The following RTN4 variants were observed in gnomAD, a reference collection of about 807,000 sequenced individuals.
RTN4 encodes reticulon-4.
Under a neutral mutation model 90.4 loss-of-function variants are expected in RTN4, and 32 were observed. The ratio of observed to expected loss-of-function variants is 0.35; its 90% CI spans 0.27 to 0.48. The LOEUF (loss-of-function observed/expected upper bound fraction) is 0.48, where lower values mean the gene tolerates loss of function less well. RTN4 is among the 20% of genes least tolerant of loss of function. RTN4 has a pLI of 0.99. For synonymous variants in RTN4, 629 were observed against 552.5 expected (o/e 1.14, Z -1.94); for missense variants, 1,706 against 1,430.2 (o/e 1.19, Z -3.11).
chr2:55,130,105 T>C, the RTN4 span, among the ~76,000 whole-genome samples: 1 of 152,180 alleles, frequency 6.6e-6, no homozygotes, highest in Non-Finnish European at 1.5e-5. Context: ...ACAACCTGAA[T>C]GTCCTCTAGT....
chr2:54,972,965 AGATGAT>A lies in RTN4; in HGVS notation c.*185_*190del, dbSNP rs1238994447. 8.1e-6 allele frequency: 4 copies of A among 493,544 alleles called. No individual in the cohort carries two copies. Among genetic ancestry groups the A allele is most frequent in the Non-Finnish European group, 1.5e-5 (4 of 273,436 alleles). 30.6% of individuals were successfully genotyped at this position (493,544 alleles called of 1,614,324 possible). On this transcript the variant is annotated 3_prime_UTR_variant, in exon 9 of 9. Coordinates refer to ENST00000337526, the MANE Select transcript of RTN4 (RefSeq NM_020532.5). ...CATACATAGCAGCTTACAATACTTA[AGATGAT>A]GAACACATGGCAGTCAAGACAGGTA...
At chr2:55,052,291 A>G (rs969312110), upstream of RTN4, among the ~76,000 whole-genome samples, 1 of 152,248 alleles carries the variant, frequency 6.6e-6, no homozygotes, top group African/African-American at 2.4e-5. Context: ...ATAATAATAG[A>G]GGAAACTGTG....
At chr2:54,994,096 T>G (rs893212658) in intron 3 of RTN4, among the ~76,000 whole-genome samples, 3 of 152,350 alleles carry the variant, frequency 2.0e-5, no homozygotes, top group African/African-American at 7.2e-5. Context: ...GATAAATGAT[T>G]CTCAATAGGA....
intron 3 of RTN4, among the ~76,000 whole-genome samples, chr2:55,003,868 TAA>T (rs1352915609): frequency 6.6e-6 from 1 of 152,124 alleles, no homozygotes. Context: ...CCATTTTATA[TAA>T]GAGACGTGGG....
chr2:55,025,612 A>T lies in RTN4; in HGVS notation c.2487T>A (p.Pro829=). Residue 829 remains proline, a synonymous_variant, in exon 3 of 9, where the codon CCT becomes CCA. Coordinates refer to ENST00000337526, the MANE Select transcript of RTN4 (RefSeq NM_020532.5). ...VSTLSKKEKI[P]LQMEELSTAV... ...CAGTACTGAGCTCCTCCATCTGCAA[A>T]GGAATTTTCTCCTTTTTGCTCAATG... The T allele has an allele frequency of 6.2e-7, 1 of 1,613,574 alleles. No individual in the cohort carries two copies. Among genetic ancestry groups the T allele is most frequent in the Non-Finnish European group, 8.5e-7 (1 of 1,179,778 alleles).
chr2:55,027,877 C>CT (rs1031562434), intron 2 of RTN4, among the ~76,000 whole-genome samples: 9 of 152,186 alleles, frequency 5.9e-5, no homozygotes, highest in African/African-American at 2.2e-4. Flanking sequence ...ACAGGAAAGC[C>CT]TTTCTGGCTA....
chr2:54,982,499 G>C lies in RTN4; in HGVS notation c.3360+16C>G, dbSNP rs749915740. On this transcript the variant is annotated intron_variant, in intron 5 of 8. Coordinates refer to ENST00000337526, the MANE Select transcript of RTN4 (RefSeq NM_020532.5). ...AATTCTGGGTATATCAAAAATGAAA[G>C]GCAAAATAAACTTACCTTCAGAGAA... The C allele has an allele frequency of 6.2e-7, 1 of 1,600,864 alleles. No homozygotes were observed. The highest frequency in any genetic ancestry group is 8.5e-7 in the Non-Finnish European group (1 of 1,175,734).
chr2:55,029,797 C>A (rs1682170635), intron 1 of RTN4, among the ~76,000 whole-genome samples: 1 of 152,024 alleles, frequency 6.6e-6, no homozygotes, highest in African/African-American at 2.4e-5. Context: ...GATGGGCTAT[C>A]CAGTCAAAGG....
chr2:55,135,863 G>A, the RTN4 span, among the ~76,000 whole-genome samples: 1 of 152,112 alleles, frequency 6.6e-6, no homozygotes, highest in African/African-American at 2.4e-5. Flanking sequence ...TTATTGTGAG[G>A]TTCATTCATG....
intron 1 of RTN4, among the ~76,000 whole-genome samples, chr2:55,101,181 G>A (rs1279024875): frequency 6.6e-6 from 1 of 151,940 alleles, no homozygotes; most frequent in African/African-American, 2.4e-5. Context: ...AAAAAAATCT[G>A]AACAAACAAG....
intron 3 of RTN4, among the ~76,000 whole-genome samples, chr2:54,989,481 C>T (rs908600401): frequency 1.3e-5 from 2 of 152,084 alleles, no homozygotes; most frequent in African/African-American, 2.4e-5. Context: ...TTGAAATGGC[C>T]TATCTATAGG....
upstream of RTN4, among the ~76,000 whole-genome samples, chr2:55,053,570 C>T (rs1314431489): frequency 6.6e-6 from 1 of 151,766 alleles, no homozygotes; most frequent in Admixed American, 6.6e-5. Flanking sequence ...CCTGTAACCC[C>T]AGCTACTTGG....
At chr2:54,974,180 C>T (rs904083728) in intron 6 of RTN4, 2 of 297,036 alleles carry the variant, frequency 6.7e-6, no homozygotes, top group Non-Finnish European at 1.3e-5. Flanking sequence ...CACCCTTTAT[C>T]TGGTTTATCA....
the RTN4 span, among the ~76,000 whole-genome samples, chr2:55,135,530 C>T: frequency 6.6e-6 from 1 of 152,158 alleles, no homozygotes; most frequent in Non-Finnish European, 1.5e-5. Context: ...TAAAAGATAA[C>T]ATTTTCAATA....
rs201924443 is a variant in RTN4, at chr2:55,025,213, T to C, written c.2886A>G (p.Ala962=). The C allele has an allele frequency of 1.2e-6, 2 of 1,613,906 alleles. No individual in the cohort carries two copies. The highest frequency in any genetic ancestry group is 2.2e-5 in the South Asian group (2 of 91,084). ...TGGGTTTAACTATGCTCTCTATCTC[T>C]GCTTGAGTGGCCAAAGCAGAAACAT... ...PPDVSALATQ[A]EIESIVKPKV... The change falls in exon 3 of 9, where the codon GCA becomes GCG. Residue 962 remains alanine (A), a synonymous_variant. Coordinates refer to ENST00000337526, the MANE Select transcript of RTN4 (RefSeq NM_020532.5).
chr2:55,120,534 C>T, the RTN4 span, among the ~76,000 whole-genome samples: 8 of 152,018 alleles, frequency 5.3e-5, no homozygotes, highest in African/African-American at 1.4e-4. Flanking sequence ...AGTCAGAAGA[C>T]GAGCAGGAGA....
chr2:55,122,469 C>A, the RTN4 span, among the ~76,000 whole-genome samples: 4,844 of 152,248 alleles, frequency 0.032, 244 homozygotes, highest in African/African-American at 0.1. Context: ...CCAAAAGAAC[C>A]CCATAGTTGG....
intron 1 of RTN4, among the ~76,000 whole-genome samples, chr2:55,038,236 A>T (rs1237984390): frequency 6.6e-6 from 1 of 152,202 alleles, no homozygotes; most frequent in African/African-American, 2.4e-5. Context: ...GATGTCTTAG[A>T]CATCACAAAG....
At chr2:55,135,822 A>G in the RTN4 span, among the ~76,000 whole-genome samples, 2 of 152,194 alleles carry the variant, frequency 1.3e-5, no homozygotes, top group Admixed American at 6.5e-5. Flanking sequence ...ATACAGTAAT[A>G]TATATTTTTT....
Sources: allele counts gnomAD v4.1 joint callset (sites outside exome capture counted in the v4.1 genomes callset), GRCh38; gene constraint gnomAD v4.1.1; transcripts MANE v1.5; gene names NCBI Gene and HGNC (gene_info 2026-07-23, HGNC 2026-07-21).